Variants in NFIB observed in about 807,000 individuals in gnomAD.
NFIB encodes nuclear factor 1 B-type.
NFIB carries 11 observed loss-of-function variants against 61.5 expected under a neutral mutation model. The observed-to-expected ratio is 0.18, with a 90% CI of 0.11 to 0.30. NFIB has a LOEUF of 0.30. Ranked by LOEUF, NFIB falls within the 10% of genes least tolerant of loss-of-function variation. The pLI, the probability that NFIB is intolerant of heterozygous loss-of-function variation, is 1.00. For synonymous variants in NFIB, 260 were observed against 216.5 expected (o/e 1.20, Z -1.76); for missense variants, 471 against 608.9 (o/e 0.77, Z 2.38).
At chr9:14,500,315 AAGACTATTCCAGAAAG>A in the NFIB span, among the ~76,000 whole-genome samples, 4 of 152,204 alleles carry the variant, frequency 2.6e-5, no homozygotes, top group African/African-American at 9.6e-5. Context: ...AATAGGAAAG[AAGACTATTCCAGAAAG>A]AGGCAAGAAC....
chr9:14,305,872 T>C lies in NFIB; in HGVS notation c.562+1117A>G, dbSNP rs2059990958. The C allele has an allele frequency of 4.6e-6, 3 of 657,290 alleles. No homozygotes were observed. In the East Asian group the frequency reaches 1.1e-4, roughly 24 times the overall value. 40.7% of individuals were successfully genotyped at this position (657,290 alleles called of 1,614,324 possible). ...CATTTTTCCTCCCACCAGGCCAAGT[T>C]TGGAAATGACCTACCATCTGTGACA... On this transcript the variant is annotated intron_variant, in intron 2 of 10. Coordinates refer to ENST00000380953, the MANE Select transcript of NFIB (RefSeq NM_001190737.2).
chr9:14,138,000 CATA>C (rs1329946300), intron 6 of NFIB, among the ~76,000 whole-genome samples: 1 of 152,030 alleles, frequency 6.6e-6, no homozygotes, highest in Non-Finnish European at 1.5e-5. Flanking sequence ...AAATCATAAA[CATA>C]ATATCTCAAT....
intron 2 of NFIB, among the ~76,000 whole-genome samples, chr9:14,230,024 T>C (rs1247403783): frequency 1.3e-5 from 2 of 152,170 alleles, no homozygotes; most frequent in African/African-American, 4.8e-5. Context: ...TGGCTGGTTT[T>C]GAACTCCCGA....
chr9:14,411,333 T>G, the NFIB span, among the ~76,000 whole-genome samples: 6 of 152,230 alleles, frequency 3.9e-5, no homozygotes, highest in African/African-American at 4.8e-5. Context: ...GGTACATTTA[T>G]GACCCATACA....
chr9:14,443,709 C>T, the NFIB span, among the ~76,000 whole-genome samples: 1 of 152,190 alleles, frequency 6.6e-6, no homozygotes, highest in African/African-American at 2.4e-5. Context: ...TGGTCTCACC[C>T]TTTAATTTTC....
intron 1 of NFIB, chr9:14,357,585 C>T (rs1204124655): frequency 1.3e-5 from 2 of 152,124 alleles, no homozygotes; most frequent in Non-Finnish European, 2.9e-5. Flanking sequence ...TGAGTTAACT[C>T]CTAAATAGCA....
the NFIB span, among the ~76,000 whole-genome samples, chr9:14,459,470 G>A: frequency 6.6e-6 from 1 of 152,162 alleles, no homozygotes. Flanking sequence ...AGGACTTCAT[G>A]TCTAAAACAC....
intron 10 of NFIB, among the ~76,000 whole-genome samples, chr9:14,088,708 T>A (rs1000525729): frequency 6.6e-6 from 1 of 152,198 alleles, no homozygotes; most frequent in African/African-American, 2.4e-5. Context: ...GGTACCAATA[T>A]ACTTTGCCAG....
the NFIB span, among the ~76,000 whole-genome samples, chr9:14,411,828 T>G: frequency 6.6e-6 from 1 of 152,158 alleles, no homozygotes; most frequent in African/African-American, 2.4e-5. Flanking sequence ...GGGAAGTCAC[T>G]TCTGAGACTA....
chr9:14,506,271 GT>G, the NFIB span, among the ~76,000 whole-genome samples: 75 of 152,192 alleles, frequency 4.9e-4, 1 homozygote, highest in South Asian at 0.015. Context: ...CCCACAGAGG[GT>G]TTTTTAGTGA....
At chr9:14,326,588 C>T (rs978223665) in intron 1 of NFIB, among the ~76,000 whole-genome samples, 2 of 151,880 alleles carry the variant, frequency 1.3e-5, no homozygotes, top group Admixed American at 6.6e-5. Context: ...CATAGCCTTA[C>T]CAACCCCCGG....
intron 2 of NFIB, among the ~76,000 whole-genome samples, chr9:14,232,079 GT>G (rs1416890560): frequency 2.0e-5 from 3 of 152,276 alleles, no homozygotes; most frequent in African/African-American, 7.2e-5. Context: ...TTTTACTCTA[GT>G]TTTTTGTTGT....
At position 14,375,693 on chromosome 9, in the gene NFIB, A is replaced by C. The variant is rs1431862324; in HGVS notation, c.108+22831T>G. ...AAAAGAAAAACCTGGGAACATTTTC[A>C]CTTACAGCTCATTGGTCAGACCTTT... On this transcript the variant is annotated intron_variant, in intron 1 of 8. Coordinates refer to the NFIB transcript ENST00000380934. Among the ~76,000 whole-genome samples the C allele has an allele frequency of 2.0e-5, 3 of 151,974 alleles. No individual in the cohort carries two copies. The South Asian group carries it at 6.2e-4, about 32-fold the overall frequency.
At chr9:14,301,510 C>A (rs983531238) in intron 2 of NFIB, among the ~76,000 whole-genome samples, 1 of 152,092 alleles carries the variant, frequency 6.6e-6, no homozygotes, top group African/African-American at 2.4e-5. Context: ...AAGTGGGGCA[C>A]TATATATTTT....
intron 1 of NFIB, among the ~76,000 whole-genome samples, chr9:14,390,862 T>C (rs990520679): frequency 6.6e-6 from 1 of 152,184 alleles, no homozygotes; most frequent in African/African-American, 2.4e-5. Context: ...TTTCTGTTGT[T>C]TTTAAGCCAC....
At chr9:14,101,832 T>C (rs760665343) in intron 10 of NFIB, among the ~76,000 whole-genome samples, 5 of 152,220 alleles carry the variant, frequency 3.3e-5, no homozygotes, top group Non-Finnish European at 7.4e-5. Flanking sequence ...ATGAATCACA[T>C]CAGTATACAA....
chr9:14,253,642 G>A (rs2055898933), intron 2 of NFIB, among the ~76,000 whole-genome samples: 1 of 152,010 alleles, frequency 6.6e-6, no homozygotes, highest in South Asian at 2.1e-4. Flanking sequence ...ACCACTCTGG[G>A]CAATACAGTG....
At chr9:14,225,771 C>G (rs906011263) in intron 2 of NFIB, among the ~76,000 whole-genome samples, 3 of 151,220 alleles carry the variant, frequency 2.0e-5, no homozygotes, top group Non-Finnish European at 4.4e-5. Flanking sequence ...CCAGAAGAGC[C>G]AAAAGAAAAA....
chr9:14,286,789 C>T (rs1039393876), intron 2 of NFIB, among the ~76,000 whole-genome samples: 3 of 151,064 alleles, frequency 2.0e-5, no homozygotes, highest in Admixed American at 2.0e-4. Context: ...AATGAATAAG[C>T]CGCTTCACTG....
Sources: gnomAD v4.1 joint callset for allele counts (sites outside exome capture counted in the v4.1 genomes callset) on GRCh38, gnomAD v4.1.1 for gene constraint, MANE v1.5 for transcripts, NCBI Gene and HGNC (gene_info 2026-07-23, HGNC 2026-07-21) for gene names.